The following LANCL2 variants were observed in gnomAD, a reference collection of about 807,000 sequenced individuals.
The protein encoded by LANCL2 is lanC-like protein 2.
LANCL2 carries 33 observed loss-of-function variants against 56.9 expected under a neutral mutation model. That is an observed-to-expected ratio of 0.58 (90% CI 0.44 to 0.78). LANCL2 has a LOEUF of 0.78. Ranked by LOEUF, LANCL2 falls within the 30% of genes least tolerant of loss-of-function variation. The pLI, the probability that LANCL2 is intolerant of heterozygous loss-of-function variation, is 0.00. For synonymous variants in LANCL2, 233 were observed against 228.2 expected, an observed-to-expected ratio of 1.02 and a Z score of -0.19; for missense variants, 562 against 580.2, an observed-to-expected ratio of 0.97 and a Z score of 0.32.
intron 2 of LANCL2, among the ~76,000 whole-genome samples, chr7:55,395,794 C>T (rs986328037): frequency 6.6e-6 from 1 of 152,174 alleles, no homozygotes; most frequent in African/African-American, 2.4e-5. Flanking sequence ...CAAAAACTGG[C>T]GAAACAGGTG....
At chr7:55,413,861 C>G (rs1790497621) in intron 6 of LANCL2, among the ~76,000 whole-genome samples, 1 of 152,170 alleles carries the variant, frequency 6.6e-6, no homozygotes, top group Non-Finnish European at 1.5e-5. Flanking sequence ...GGAGGAATAT[C>G]AGAATCTTCT....
intron 1 of LANCL2, among the ~76,000 whole-genome samples, chr7:55,368,273 C>T (rs992382933): frequency 2.0e-5 from 3 of 152,002 alleles, no homozygotes; most frequent in Non-Finnish European, 4.4e-5. Flanking sequence ...GATTTTTGAC[C>T]TCAGTTATAT....
intron 7 of LANCL2, 42 bp downstream of exon 7, chr7:55,425,472 G>C (rs1790654920): frequency 6.3e-7 from 1 of 1,581,806 alleles, no homozygotes; most frequent in African/African-American, 1.3e-5. Flanking sequence ...ACAACCCCGA[G>C]TGTGCACAGA....
rs1464170460 is a variant in LANCL2, at chr7:55,366,185, G to A, written c.160G>A (p.Ala54Thr). ...AGAGACAGGCTGTGTTCGTCCCCCGGCGACCACGGATGAGCCCGGCCTCCC... is the reference window on the plus strand; with the variant it reads ...AGAGACAGGCTGTGTTCGTCCCCCGACGACCACGGATGAGCCCGGCCTCCC... ...AEETGCVRPPATTDEPGLPFH... is the reference protein window; with the variant it reads ...AEETGCVRPPTTTDEPGLPFH... The change falls in exon 1 of 9, where the codon GCG becomes ACG. Residue 54 changes from alanine to threonine, a missense_variant. Transcript: ENST00000254770. 6.4e-7 allele frequency: 1 copy of A among 1,556,818 alleles called. No individual in the cohort carries two copies. Among genetic ancestry groups the A allele is most frequent in the Non-Finnish European group, 8.7e-7 (1 of 1,149,700 alleles).
At chr7:55,428,965 G>A (rs1245439660) in intron 8 of LANCL2, among the ~76,000 whole-genome samples, 2 of 152,158 alleles carry the variant, frequency 1.3e-5, no homozygotes, top group Admixed American at 6.6e-5. Context: ...AGTCCACCAC[G>A]GGCGCAGGGA....
chr7:55,416,980 T>G (rs1387045140), intron 6 of LANCL2, among the ~76,000 whole-genome samples: 2 of 131,422 alleles, frequency 1.5e-5, no homozygotes, highest in Non-Finnish European at 3.2e-5. Flanking sequence ...TTTTTTTTTT[T>G]TTTTTTTTTT....
intron 3 of LANCL2, among the ~76,000 whole-genome samples, chr7:55,399,242 C>T (rs1220149550): frequency 6.7e-6 from 1 of 148,790 alleles, no homozygotes; most frequent in Non-Finnish European, 1.5e-5. Flanking sequence ...CACTGCACAC[C>T]AGCCAGGGCA....
chr7:55,426,214 C>T (rs900883001), intron 7 of LANCL2, among the ~76,000 whole-genome samples: 2 of 152,160 alleles, frequency 1.3e-5, no homozygotes, highest in African/African-American at 4.8e-5. Context: ...GCTTCTTGAT[C>T]TTGTCTGTCT....
intron 5 of LANCL2, among the ~76,000 whole-genome samples, chr7:55,409,655 A>G (rs1314426668): frequency 6.6e-6 from 1 of 152,224 alleles, no homozygotes; most frequent in Non-Finnish European, 1.5e-5. Flanking sequence ...TGCAAGTCCC[A>G]GGACAGCAGT....
intron 6 of LANCL2, among the ~76,000 whole-genome samples, chr7:55,419,296 T>G (rs1790579866): frequency 6.6e-6 from 1 of 152,084 alleles, no homozygotes; most frequent in Non-Finnish European, 1.5e-5. Context: ...ATATGTTTTC[T>G]CATTTTATCT....
chr7:55,395,982 A>G (rs1443721095), intron 2 of LANCL2, among the ~76,000 whole-genome samples: 2 of 152,266 alleles, frequency 1.3e-5, no homozygotes, highest in African/African-American at 4.8e-5. Context: ...AAAGCTGTAC[A>G]GCATTACTGC....
At chr7:55,384,786 A>C (rs1467777062) in intron 1 of LANCL2, among the ~76,000 whole-genome samples, 2 of 152,212 alleles carry the variant, frequency 1.3e-5, no homozygotes, top group Admixed American at 6.5e-5. Context: ...GAAAGAAACT[A>C]GTATCCAGAA....
At position 55,366,071 on chromosome 7, in the gene LANCL2, G is replaced by A. The variant is rs1173863905; in HGVS notation, c.46G>A (p.Glu16Lys). 4 of 1,529,566 alleles carry A rather than the reference G, an allele frequency of 2.6e-6. No homozygotes were observed. Among genetic ancestry groups the A allele is most frequent in the Non-Finnish European group, 3.5e-6 (4 of 1,134,408 alleles). The allele number at this position is 1,529,566 out of a possible 1,614,324, so 94.7% of individuals were successfully genotyped here. The part of the protein sequence containing the change: ...SKRLKLHLGG[E>K]AEMEERAFVN... ...GAGGCTGAAGCTCCACCTGGGAGGG[G>A]AGGCAGAAATGGAGGAACGGGCGTT... The change falls in exon 1 of 9, where the codon GAG becomes AAG. Residue 16 changes from glutamate (E) to lysine (K), a missense_variant. Physicochemically the swap from Glu to Lys is moderately conservative, Grantham distance 56 (BLOSUM62 1). This residue lies in a region of LANCL2 where 184 missense variants were observed against 111.8 expected (regional missense o/e 1.65). Coordinates refer to ENST00000254770, the MANE Select transcript of LANCL2 (RefSeq NM_018697.4).
In LANCL2 at chr7:55,384,824, A is replaced by G. The variant is rs377618580; in HGVS notation, c.205-6969A>G. ...CTTTTTTCAGTGAAAATATCCTTCA[A>G]GAATGAAGGCAAATAAAGACATTTT... On this transcript the variant is annotated intron_variant, in intron 1 of 8. Transcript: ENST00000254770. Among the ~76,000 whole-genome samples, 15 of 152,348 alleles carry G rather than the reference A, an allele frequency of 9.8e-5. No homozygotes were observed. In the East Asian group the frequency reaches 2.9e-3, roughly 29 times the overall value.
rs1330044125 is a variant in LANCL2, at chr7:55,365,454, G to A, written c.-572G>A. 1 of 152,282 alleles carries A rather than the reference G, an allele frequency of 6.6e-6. No individual in the cohort carries two copies. Among genetic ancestry groups the A allele is most frequent in the Non-Finnish European group, 1.5e-5 (1 of 68,068 alleles). The allele number at this position is 152,282 out of a possible 1,614,324, so 9.4% of individuals were successfully genotyped here. ...GAACTGCTGCTATTCCTTTGGGCTG[G>A]CGCAGCAGGGGCCGGTGAAATGCAG... On this transcript the variant is annotated 5_prime_UTR_variant, in exon 1 of 9. Transcript: ENST00000254770.
intron 1 of LANCL2, among the ~76,000 whole-genome samples, chr7:55,385,542 CCAG>C (rs1790115591): frequency 6.6e-6 from 1 of 152,248 alleles, no homozygotes; most frequent in East Asian, 1.9e-4. Flanking sequence ...GCCACAAAAA[CCAG>C]CAAGTTTTTA....
intron 1 of LANCL2, chr7:55,379,654 C>T (rs935245516): frequency 6.6e-6 from 1 of 152,606 alleles, no homozygotes; most frequent in African/African-American, 2.4e-5. Context: ...CAGTAGAAAC[C>T]AAAGGTCAAG....
intron 7 of LANCL2, among the ~76,000 whole-genome samples, chr7:55,425,791 T>C (rs1173659406): frequency 6.6e-6 from 1 of 152,192 alleles, no homozygotes; most frequent in Non-Finnish European, 1.5e-5. Context: ...CTAAGGATGT[T>C]CCAAGCAGAA....
intron 6 of LANCL2, among the ~76,000 whole-genome samples, chr7:55,424,578 A>G (rs187167275): frequency 6.6e-6 from 1 of 152,374 alleles, no homozygotes; most frequent in Non-Finnish European, 1.5e-5. Flanking sequence ...TCTTACCAAA[A>G]AGATATGGCA....
Sources: allele counts gnomAD v4.1 joint callset (sites outside exome capture counted in the v4.1 genomes callset), GRCh38; gene constraint gnomAD v4.1.1; regional missense constraint gnomAD v4.1.1; transcripts MANE v1.5; gene names NCBI Gene and HGNC (gene_info 2026-07-23, HGNC 2026-07-21).